CNBD1: variants seen among roughly 807,000 people sequenced by gnomAD.
The protein encoded by CNBD1 is cyclic nucleotide binding domain containing 1.
A neutral mutation model predicts 54.4 loss-of-function variants in CNBD1; 71 were observed. That is an observed-to-expected ratio of 1.30 (90% CI 1.08 to 1.59). CNBD1 has a LOEUF of 1.59. CNBD1 is among the 40% of genes most tolerant of loss of function. CNBD1 has a pLI of 0.00. For synonymous variants in CNBD1, 182 were observed against 170.7 expected (o/e 1.07, Z -0.51); for missense variants, 659 against 518.0 (o/e 1.27, Z -2.64).
chr8:87,273,822 G>T (rs967558479), intron 6 of CNBD1, among the ~76,000 whole-genome samples: 14 of 151,924 alleles, frequency 9.2e-5, no homozygotes, highest in African/African-American at 3.1e-4. Context: ...TGCACAATGT[G>T]CAGGTTAGTT....
chr8:87,378,693 A>G (rs1395732954), intron 10 of CNBD1, among the ~76,000 whole-genome samples: 2 of 150,968 alleles, frequency 1.3e-5, no homozygotes, highest in Non-Finnish European at 2.9e-5. Context: ...CTGCGAAGAA[A>G]GGCATTGGTA....
chr8:86,995,692 G>C (rs929034574), intron 4 of CNBD1, among the ~76,000 whole-genome samples: 1 of 8,722 alleles, frequency 1.1e-4, no homozygotes, highest in African/African-American at 2.1e-4. Flanking sequence ...TATGGGTGGT[G>C]TGTGTGTGTG....
In CNBD1 at chr8:87,153,435, G is replaced by A. The variant is rs573413344; in HGVS notation, c.432-52558G>A. 1.3e-3 allele frequency among the ~76,000 whole-genome samples: 195 copies of A among 152,226 alleles called. 1 individual carries two copies. The highest frequency in any genetic ancestry group is 6.8e-3 in the Middle Eastern group (2 of 294). On this transcript the variant is annotated intron_variant, in intron 4 of 10. Coordinates refer to ENST00000518476, the MANE Select transcript of CNBD1 (RefSeq NM_173538.3). ...CTATAATTTATAGAGAAAGACAACA[G>A]CATAACACAAATGAGTTAGAGATTG... is the stretch of plus-strand genomic sequence containing the variant.
chr8:87,332,793 G>C (rs1809863021), intron 8 of CNBD1, among the ~76,000 whole-genome samples: 1 of 152,144 alleles, frequency 6.6e-6, no homozygotes, highest in African/African-American at 2.4e-5. Flanking sequence ...TTGTGGCATA[G>C]TTTGAAGTCA....
chr8:87,298,486 C>T (rs1808922298), intron 8 of CNBD1, among the ~76,000 whole-genome samples: 1 of 126,654 alleles, frequency 7.9e-6, no homozygotes, highest in Non-Finnish European at 1.7e-5. Flanking sequence ...TCTTTTTTCC[C>T]TCTTTTTTTT....
intron 4 of CNBD1, among the ~76,000 whole-genome samples, chr8:87,096,374 A>G (rs1811321586): frequency 6.9e-6 from 1 of 145,612 alleles, no homozygotes; most frequent in Non-Finnish European, 1.5e-5. Context: ...TAATAAGAAC[A>G]CTAATTTTAT....
At chr8:87,017,767 G>A (rs1809397864) in intron 4 of CNBD1, among the ~76,000 whole-genome samples, 1 of 152,100 alleles carries the variant, frequency 6.6e-6, no homozygotes, top group Non-Finnish European at 1.5e-5. Context: ...TTTGGGGAAA[G>A]TATGTTTTTA....
At chr8:86,963,455 C>T (rs368964594) in intron 4 of CNBD1, among the ~76,000 whole-genome samples, 61 of 152,246 alleles carry the variant, frequency 4.0e-4, no homozygotes, top group East Asian at 1.2e-3. Context: ...AAAAAGGTGC[C>T]TCAGGGGGGT....
At chr8:87,250,505 A>C (rs1191708279) in intron 6 of CNBD1, among the ~76,000 whole-genome samples, 1 of 152,202 alleles carries the variant, frequency 6.6e-6, no homozygotes, top group African/African-American at 2.4e-5. Context: ...TCAGTATATC[A>C]AAGATACATC....
chr8:87,421,508 G>A lies in CNBD1; in HGVS notation c.214-7038G>A, dbSNP rs1345486669. 6.2e-5 allele frequency among the ~76,000 whole-genome samples: 9 copies of A among 144,834 alleles called. No individual in the cohort carries two copies. The East Asian group carries it at 1.8e-3, about 30-fold the overall frequency. On this transcript the variant is annotated intron_variant, in intron 2 of 7. Coordinates refer to the CNBD1 transcript ENST00000521593. The stretch of plus-strand genomic sequence containing the variant: ...ATCTCATTGTTCAATTCCCACCTAT[G>A]AGTGAGAATATGCAGTGTTTGGTTT...
intron 8 of CNBD1, among the ~76,000 whole-genome samples, chr8:87,335,721 T>C (rs546224117): frequency 5.3e-5 from 8 of 152,278 alleles, no homozygotes; most frequent in East Asian, 1.9e-4. Flanking sequence ...GTTAATATGG[T>C]TATGTGTGAA....
chr8:86,982,591 C>T (rs1369558575), intron 4 of CNBD1, among the ~76,000 whole-genome samples: 1 of 152,136 alleles, frequency 6.6e-6, no homozygotes, highest in Non-Finnish European at 1.5e-5. Flanking sequence ...AAAATTGATT[C>T]ATAAAAGAAC....
At chr8:87,220,740 A>T (rs147479376) in intron 5 of CNBD1, among the ~76,000 whole-genome samples, 2,244 of 152,090 alleles carry the variant, frequency 0.015, 72 homozygotes, top group African/African-American at 0.051. Context: ...ATATTTTCCT[A>T]TCATGAATAC....
rs146739676 is a variant in CNBD1, at chr8:87,221,798, G to A, written c.578-15121G>A. 3.6e-3 allele frequency among the ~76,000 whole-genome samples: 548 copies of A among 152,080 alleles called. 4 individuals carry two copies. Among genetic ancestry groups the A allele is most frequent in the African/African-American group, 0.013 (521 of 41,522 alleles). On this transcript the variant is annotated intron_variant, in intron 5 of 10. Coordinates refer to ENST00000518476, the MANE Select transcript of CNBD1 (RefSeq NM_173538.3). ...AATGAAATAAATTTCTTTACATCCC[G>A]TCCAGTTAGCTGTGTAATATTTACG... is the stretch of plus-strand genomic sequence containing the variant.
At chr8:87,404,704 A>G (rs2130980080) in intron 2 of CNBD1, among the ~76,000 whole-genome samples, 1 of 152,174 alleles carries the variant, frequency 6.6e-6, no homozygotes, top group African/African-American at 2.4e-5. Context: ...TGTATATTTG[A>G]TTGAAAATGG....
chr8:86,954,360 G>A (rs1807704352), intron 4 of CNBD1, among the ~76,000 whole-genome samples: 1 of 152,118 alleles, frequency 6.6e-6, no homozygotes, highest in South Asian at 2.1e-4. Flanking sequence ...GAGCATATTA[G>A]TTCCTAAGGA....
intron 3 of CNBD1, among the ~76,000 whole-genome samples, chr8:86,923,687 G>A (rs926201465): frequency 2.0e-5 from 3 of 152,128 alleles, no homozygotes; most frequent in African/African-American, 7.2e-5. Context: ...GATATCCTCA[G>A]TATTTGGTAA....
chr8:87,395,914 A>G (rs913495537), intron 2 of CNBD1, among the ~76,000 whole-genome samples: 1 of 151,882 alleles, frequency 6.6e-6, no homozygotes, highest in Non-Finnish European at 1.5e-5. Context: ...TCCTTCGCTC[A>G]GTACCTCTCC....
chr8:86,904,799 A>C (rs1808991107), intron 2 of CNBD1, among the ~76,000 whole-genome samples: 1 of 152,120 alleles, frequency 6.6e-6, no homozygotes, highest in Non-Finnish European at 1.5e-5. Context: ...ATAAAACTTT[A>C]ATCAATTATA....
Sources: gnomAD v4.1 joint callset for allele counts (sites outside exome capture counted in the v4.1 genomes callset) on GRCh38, gnomAD v4.1.1 for gene constraint, MANE v1.5 for transcripts, NCBI Gene and HGNC (gene_info 2026-07-23, HGNC 2026-07-21) for gene names.